Variants in NPTX1 observed in about 807,000 individuals in gnomAD.
The protein encoded by NPTX1 is neuronal pentraxin-1.
In NPTX1, 12 loss-of-function variants were observed where a neutral mutation model predicts 38.7. That is an observed-to-expected ratio of 0.31 (90% CI 0.20 to 0.50). The LOEUF (loss-of-function observed/expected upper bound fraction) is 0.50, where lower values mean the gene tolerates loss of function less well. Among genes scored for constraint, NPTX1 ranks in the 20% least tolerant of loss-of-function variants. The probability of loss-of-function intolerance (pLI) is 0.98; values close to 1 mark genes in which losing one functional copy is unlikely to be tolerated. For missense variants in NPTX1, 454 were observed against 592.2 expected (o/e 0.77, Z 2.42); for synonymous variants, 272 against 264.9 (o/e 1.03, Z -0.26).
rs1337077917 is a variant in NPTX1 at position 80,473,417 on chromosome 17, T to G, written c.680A>C (p.Lys227Thr). ...KGQKDNRPGD[K>T]FQLTFPLRTN... is the part of the protein sequence containing the mutation. ...CCGCAGTGGGAATGTGAGCTGGAAC[T>G]TGTCTCCAGGGCGGTTGTCTTTCTG... Residue 227 changes from lysine (K) to threonine (T), a missense_variant, in exon 3 of 5, where the codon AAG becomes ACG. By Grantham distance (78) the Lys-to-Thr change is moderately conservative. Around this residue, in one of 4 missense-constraint regions of NPTX1, gnomAD observed 288 missense variants for 318.4 expected, o/e 0.90. Transcript: ENST00000306773. The G allele has an allele frequency of 9.9e-6, 16 of 1,614,020 alleles. No homozygotes were observed. The highest frequency in any genetic ancestry group is 1.4e-5 in the Non-Finnish European group (16 of 1,179,956).
At chr17:80,472,379 G>A (rs1007618182) in intron 3 of NPTX1, among the ~76,000 whole-genome samples, 1 of 152,222 alleles carries the variant, frequency 6.6e-6, no homozygotes, top group African/African-American at 2.4e-5. Context: ...AGCTTTTGCC[G>A]AGGATCTGAG....
chr17:80,470,739 A>G lies in NPTX1; in HGVS notation c.*74T>C. 1 of 1,043,556 alleles carries G rather than the reference A, an allele frequency of 9.6e-7. No individual in the cohort carries two copies. 64.6% of individuals were successfully genotyped at this position (1,043,556 alleles called of 1,614,324 possible). ...TTCATTCCTGGGGAAAAGGGAGAGA[A>G]GAGACGCACAAAACAGATCATCGCC... On this transcript the variant is annotated 3_prime_UTR_variant, in exon 5 of 5. Coordinates refer to ENST00000306773, the MANE Select transcript of NPTX1 (RefSeq NM_002522.4).
In NPTX1 at chr17:80,467,069, TTC is replaced by T. The variant is rs2083809398; in HGVS notation, c.*3742_*3743del. Reference sequence around the variant, plus strand: ...ATAATGAAAAAGTGAGATACATCGATTCTCTTTCATATTATACAGTATATACA... The same window carrying T: ...ATAATGAAAAAGTGAGATACATCGATTCTTTCATATTATACAGTATATACA... On this transcript the variant is annotated 3_prime_UTR_variant, in exon 5 of 5. Coordinates refer to ENST00000306773, the MANE Select transcript of NPTX1 (RefSeq NM_002522.4). 6.6e-6 allele frequency: 1 copy of T among 151,870 alleles called. No homozygotes were observed. The highest frequency in any genetic ancestry group is 2.1e-4 in the South Asian group (1 of 4,788). 9.4% of individuals were successfully genotyped at this position (151,870 alleles called of 1,614,324 possible). A position where few individuals can be genotyped will look rare whatever the true frequency, so the allele number is the denominator to read the frequency against.
At chr17:80,473,109 T>TGA (rs2083851693) in intron 3 of NPTX1, 91 bp downstream of exon 3, 1 of 1,449,814 alleles carries the variant, frequency 6.9e-7, no homozygotes, top group Non-Finnish European at 9.2e-7. Flanking sequence ...CATCAACATC[T>TGA]GAGGCCACCA....
chr17:80,470,999 T>C lies in NPTX1; in HGVS notation c.1113A>G (p.Ala371=), dbSNP rs147581168. The change falls in exon 5 of 5, where the codon GCA becomes GCG. Residue 371 remains alanine, a synonymous_variant. Coordinates refer to ENST00000306773, the MANE Select transcript of NPTX1 (RefSeq NM_002522.4). ...TLGGGFDATQ[A]FVGELAHFNI... ...TGAAGTGGGCCAGCTCACCCACAAA[T>C]GCCTGGGTGGCATCAAACCCACCAC... 73 of 1,611,216 alleles carry C rather than the reference T, an allele frequency of 4.5e-5. No homozygotes were observed. The highest frequency in any genetic ancestry group is 6.1e-5 in the Non-Finnish European group (72 of 1,178,000).
In NPTX1 at chr17:80,475,890, C is replaced by A; in HGVS notation, c.444+113G>T. 1.0e-6 allele frequency: 1 copy of A among 956,800 alleles called. No homozygotes were observed. The highest frequency in any genetic ancestry group is 1.4e-6 in the Non-Finnish European group (1 of 693,028). The allele number at this position is 956,800 out of a possible 1,614,324, so 59.3% of individuals were successfully genotyped here. On this transcript the variant is annotated intron_variant, in intron 1 of 4. Transcript: ENST00000306773. This position sits in a 1 kb window ranked among gnomAD's most constrained non-coding sequence, Gnocchi z 6.5. ...GCGCGGGGAGGCACCGGCCGGGCACCCGCGCGGCTGAGGCGAGGGCGGGGG... is the reference window on the plus strand; with the variant it reads ...GCGCGGGGAGGCACCGGCCGGGCACACGCGCGGCTGAGGCGAGGGCGGGGG...
At chr17:80,472,899 G>T (rs1033487569) in intron 3 of NPTX1, among the ~76,000 whole-genome samples, 4 of 152,222 alleles carry the variant, frequency 2.6e-5, no homozygotes, top group African/African-American at 9.6e-5. Flanking sequence ...AGCTGGTGGA[G>T]GAGTCCAGAT....
rs566544720 is a variant in NPTX1, at chr17:80,473,185, C to T, written c.897+15G>A. ...GCCTCGCCCTGCCGCCCTGTGAGCC[C>T]GGGGGCTGCTCTACCTTGTCATTGA... On this transcript the variant is annotated intron_variant, in intron 3 of 4. Transcript: ENST00000306773. 17 of 1,609,770 alleles carry T rather than the reference C, an allele frequency of 1.1e-5. No homozygotes were observed. Among genetic ancestry groups the T allele is most frequent in the Admixed American group, 6.7e-5 (4 of 59,986 alleles).
intron 3 of NPTX1, 90 bp from the exon 4 acceptor site, chr17:80,472,001 T>G: frequency 6.9e-6 from 8 of 1,164,138 alleles, no homozygotes; most frequent in Non-Finnish European, 9.5e-6. Context: ...TTCCTATCTC[T>G]ACTTGCAAAG....
chr17:80,471,416 G>A (rs969751093), intron 4 of NPTX1, among the ~76,000 whole-genome samples: 12 of 152,276 alleles, frequency 7.9e-5, no homozygotes, highest in African/African-American at 2.2e-4. Context: ...CCATCCCTTC[G>A]TCTTCCTCCC....
Position 80,475,596 on chromosome 17 carries a change from C to A in NPTX1, c.567G>T (p.Gly189=), listed in dbSNP as rs1366079883. ...TCTCCTCGGTGTCGTTCCTGGGGCC[C>A]CCCTTGCCCTCCTCCAGGGTGTTCA... ...SRVNTLEEGK[G]GPRNDTEERV... The change falls in exon 2 of 5, where the codon GGG becomes GGT. Residue 189 remains glycine, a synonymous_variant. Coordinates refer to ENST00000306773, the MANE Select transcript of NPTX1 (RefSeq NM_002522.4). This position sits in a 1 kb window ranked among gnomAD's most constrained non-coding sequence, Gnocchi z 6.5. 1.9e-6 allele frequency: 3 copies of A among 1,612,666 alleles called. No homozygotes were observed. Among genetic ancestry groups the A allele is most frequent in the Non-Finnish European group, 2.5e-6 (3 of 1,179,866 alleles).
At position 80,475,082 on chromosome 17, in the gene NPTX1, C is replaced by T. The variant is rs1323652745; in HGVS notation, c.652+429G>A. On this transcript the variant is annotated intron_variant, in intron 2 of 4. Coordinates refer to ENST00000306773, the MANE Select transcript of NPTX1 (RefSeq NM_002522.4). This position sits in a 1 kb window ranked among gnomAD's most constrained non-coding sequence, Gnocchi z 6.5. ...TTAACAGCCTCAGCGGCCCGGGGAA[C>T]GAGAGCGCCCAGCCCCAGCCTGCAC... Among the ~76,000 whole-genome samples, 2 of 152,092 alleles carry T rather than the reference C, an allele frequency of 1.3e-5. No individual in the cohort carries two copies. Among genetic ancestry groups the T allele is most frequent in the Admixed American group, 6.5e-5 (1 of 15,284 alleles).
intron 3 of NPTX1, 84 bp from the exon 4 acceptor site, chr17:80,471,995 T>C: frequency 8.3e-7 from 1 of 1,208,130 alleles, no homozygotes; most frequent in Non-Finnish European, 1.1e-6. Context: ...CAGTTGTTCC[T>C]ATCTCTACTT....
chr17:80,476,494 TCGGCTCCGGCTGGGACC>T lies in NPTX1; in HGVS notation c.-65_-49del. The T allele has an allele frequency of 9.2e-7, 1 of 1,088,416 alleles. No homozygotes were observed. Among genetic ancestry groups the T allele is most frequent in the Non-Finnish European group, 1.1e-6 (1 of 888,272 alleles). 67.4% of individuals were successfully genotyped at this position (1,088,416 alleles called of 1,614,324 possible). A position where few individuals can be genotyped will look rare whatever the true frequency, so the allele number is the denominator to read the frequency against. On this transcript the variant is annotated 5_prime_UTR_variant, in exon 1 of 5. Coordinates refer to ENST00000306773, the MANE Select transcript of NPTX1 (RefSeq NM_002522.4). This position sits in a 1 kb window ranked among gnomAD's most constrained non-coding sequence, Gnocchi z 6.3. ...GGGCCCGGCTCGGCTCGGCTGGGGC[TCGGCTCCGGCTGGGACC>T]CGGCTCGGGCTGTGGCTCCGCGAGC... is the stretch of plus-strand genomic sequence containing the variant.
intron 2 of NPTX1, 139 bp from the exon 3 acceptor site, chr17:80,473,583 G>T (rs2083855316): frequency 6.0e-6 from 5 of 828,796 alleles, no homozygotes; most frequent in Non-Finnish European, 7.8e-6. Context: ...AGAGCGGGTA[G>T]CTTCCCAGGT....
Position 80,476,453 on chromosome 17 carries a change from G to C in NPTX1, c.-7C>G, listed in dbSNP as rs1321486839. The C allele has an allele frequency of 1.6e-6, 2 of 1,248,068 alleles. No individual in the cohort carries two copies. The highest frequency in any genetic ancestry group is 2.0e-6 in the Non-Finnish European group (2 of 1,000,780). 77.3% of individuals were successfully genotyped at this position (1,248,068 alleles called of 1,614,324 possible). On this transcript the variant is annotated 5_prime_UTR_variant, in exon 1 of 5. Transcript: ENST00000306773. This position sits in a 1 kb window ranked among gnomAD's most constrained non-coding sequence, Gnocchi z 6.3. Reference sequence around the variant, plus strand: ...CGGCGCGGCCGGCCGGCATGGCTGCGGGCACCGGGCGCTCCGGGCCCGGCT... The same window carrying C: ...CGGCGCGGCCGGCCGGCATGGCTGCCGGCACCGGGCGCTCCGGGCCCGGCT...
At position 80,470,498 on chromosome 17, in the gene NPTX1, T is replaced by C; in HGVS notation, c.*315A>G. On this transcript the variant is annotated 3_prime_UTR_variant, in exon 5 of 5. Coordinates refer to ENST00000306773, the MANE Select transcript of NPTX1 (RefSeq NM_002522.4). Reference sequence around the variant, plus strand: ...GCACGCACACACGTAGACACACACATGTAGACACGCACACACAGATCCTCT... The same window carrying C: ...GCACGCACACACGTAGACACACACACGTAGACACGCACACACAGATCCTCT... 1 of 230,338 alleles carries C rather than the reference T, an allele frequency of 4.3e-6. No homozygotes were observed. Among genetic ancestry groups the C allele is most frequent in the Non-Finnish European group, 8.6e-6 (1 of 116,218 alleles). 14.3% of individuals were successfully genotyped at this position (230,338 alleles called of 1,614,324 possible).
In NPTX1 at chr17:80,468,685, G is replaced by C. The variant is rs1316618914; in HGVS notation, c.*2128C>G. Reference sequence around the variant, plus strand: ...TTGGGGAGGGGGAGAGGGAAACTGAGCTCTCTCTTGACCTCCTCCAACACC... The same window carrying C: ...TTGGGGAGGGGGAGAGGGAAACTGACCTCTCTCTTGACCTCCTCCAACACC... On this transcript the variant is annotated 3_prime_UTR_variant, in exon 5 of 5. Transcript: ENST00000306773. 2 of 152,208 alleles carry C rather than the reference G, an allele frequency of 1.3e-5. No individual in the cohort carries two copies. The highest frequency in any genetic ancestry group is 4.8e-5 in the African/African-American group (2 of 41,430). 9.4% of individuals were successfully genotyped at this position (152,208 alleles called of 1,614,324 possible).
chr17:80,469,314 G>T lies in NPTX1; in HGVS notation c.*1499C>A, dbSNP rs539251079. ...GCGTGCGACCACCAGATGGTGCAAAGCAGGAAGCTCCTCCTACCCTGGGCA... is the reference window on the plus strand; with the variant it reads ...GCGTGCGACCACCAGATGGTGCAAATCAGGAAGCTCCTCCTACCCTGGGCA... On this transcript the variant is annotated 3_prime_UTR_variant, in exon 5 of 5. Transcript: ENST00000306773. 2 of 152,338 alleles carry T rather than the reference G, an allele frequency of 1.3e-5. No homozygotes were observed. Among genetic ancestry groups the T allele is most frequent in the Admixed American group, 1.3e-4 (2 of 15,296 alleles). The allele number at this position is 152,338 out of a possible 1,614,324, so 9.4% of individuals were successfully genotyped here.
Sources: allele counts gnomAD v4.1 joint callset (sites outside exome capture counted in the v4.1 genomes callset), GRCh38; gene constraint gnomAD v4.1.1; regional missense constraint gnomAD v4.1.1; non-coding constraint Gnocchi (gnomAD v3.1); transcripts MANE v1.5; gene names NCBI Gene and HGNC (gene_info 2026-07-23, HGNC 2026-07-21).